Variants in CAST observed in about 807,000 individuals in gnomAD.
CAST encodes the protein MIR583 host.
In CAST, 76 loss-of-function variants were observed where a neutral mutation model predicts 119.6. The observed-to-expected ratio is 0.64, with a 90% confidence interval of 0.53 to 0.77. The LOEUF (loss-of-function observed/expected upper bound fraction) is 0.77, where lower values mean the gene tolerates loss of function less well. Among genes scored for constraint, CAST ranks in the 30% least tolerant of loss-of-function variants. The probability of loss-of-function intolerance (pLI) is 0.00; values close to 1 mark genes in which losing one functional copy is unlikely to be tolerated. For synonymous variants in CAST, 319 were observed against 331.6 expected, an observed-to-expected ratio of 0.96 and a Z score of 0.41; for missense variants, 953 against 946.5, an observed-to-expected ratio of 1.01 and a Z score of -0.09.
At position 96,722,697 on chromosome 5, in the gene CAST, A is replaced by G. The variant is rs1758515904; in HGVS notation, c.269A>G (p.Lys90Arg). The G allele has an allele frequency of 6.2e-7, 1 of 1,608,156 alleles. No individual in the cohort carries two copies. The highest frequency in any genetic ancestry group is 8.5e-7 in the Non-Finnish European group (1 of 1,174,506). The change falls in exon 4 of 32, where the codon AAG (lysine) becomes AGG (arginine). Residue 90 changes from lysine (K) to arginine (R), a missense_variant and splice_region_variant. Physicochemically the swap from Lys to Arg is conservative, Grantham distance 26 (BLOSUM62 2). Transcript: ENST00000675179. ...TCCAGTATGAATCCCACAGAAACCA[A>G]GGTATGAAGAATGCTAATTGAGTGA... is the stretch of plus-strand genomic sequence containing the variant. Reference protein sequence around the residue: ...KSSSMNPTETKAIPVSQQMEG... With the variant: ...KSSSMNPTETRAIPVSQQMEG...
chr5:96,386,970 C>T, the CAST span, among the ~76,000 whole-genome samples: 85 of 152,144 alleles, frequency 5.6e-4, no homozygotes, highest in South Asian at 3.3e-3. Context: ...ATCTCAAAAA[C>T]AAAAACAAAA....
chr5:96,181,150 A>G, the CAST span, among the ~76,000 whole-genome samples: 4 of 152,222 alleles, frequency 2.6e-5, no homozygotes, highest in Non-Finnish European at 5.9e-5. Flanking sequence ...CATTTATAAA[A>G]TGAGCACGTT....
chr5:96,504,851 C>T, the CAST span, among the ~76,000 whole-genome samples: 3 of 152,122 alleles, frequency 2.0e-5, no homozygotes, highest in African/African-American at 7.2e-5. Flanking sequence ...CTAGAAATTT[C>T]GTATAAATGG....
At chr5:96,035,071 A>ATATATATATATATTTAAG in the CAST span, among the ~76,000 whole-genome samples, 1 of 16,502 alleles carries the variant, frequency 6.1e-5, no homozygotes, top group Non-Finnish European at 1.4e-4. Flanking sequence ...ATATTTAAGT[A>ATATATATATATATTTAAG]TATATATATA....
chr5:96,698,550 G>A (rs1753556845), intron 3 of CAST, among the ~76,000 whole-genome samples: 1 of 152,060 alleles, frequency 6.6e-6, no homozygotes, highest in Non-Finnish European at 1.5e-5. Context: ...CTTTTATAAG[G>A]TGTTGAACAA....
the CAST span, among the ~76,000 whole-genome samples, chr5:96,048,559 G>T: frequency 6.6e-6 from 1 of 152,098 alleles, no homozygotes; most frequent in South Asian, 2.1e-4. Context: ...CTAATTTTGG[G>T]GTGGTGAGGG....
chr5:96,224,258 T>C, the CAST span, among the ~76,000 whole-genome samples: 1 of 152,182 alleles, frequency 6.6e-6, no homozygotes, highest in Non-Finnish European at 1.5e-5. Flanking sequence ...GACATTTAGA[T>C]AGTGTTGTCA....
the CAST span, among the ~76,000 whole-genome samples, chr5:96,329,249 G>T: frequency 6.6e-6 from 1 of 152,230 alleles, no homozygotes; most frequent in Non-Finnish European, 1.5e-5. Context: ...TAAGAAAACA[G>T]TGTGATAACG....
the CAST span, among the ~76,000 whole-genome samples, chr5:96,289,032 T>C: frequency 6.6e-6 from 1 of 152,130 alleles, no homozygotes; most frequent in South Asian, 2.1e-4. Flanking sequence ...AATTTTTTAT[T>C]TGAAGTGTCA....
intron 25 of CAST, chr5:96,762,776 T>C: frequency 4.0e-6 from 1 of 248,254 alleles, no homozygotes; most frequent in Non-Finnish European, 7.8e-6. Flanking sequence ...CAAGTTTATT[T>C]TATGGAATCG....
chr5:96,722,132 C>T (rs1239746266), intron 3 of CAST, among the ~76,000 whole-genome samples: 1 of 152,108 alleles, frequency 6.6e-6, no homozygotes, highest in Non-Finnish European at 1.5e-5. Flanking sequence ...CAAATACGAC[C>T]CTGCAAATAG....
chr5:96,757,682 C>A, intron 24 of CAST, 28 bp downstream of exon 24: 167 of 1,258,160 alleles, frequency 1.3e-4, no homozygotes, highest in Non-Finnish European at 1.7e-4. Flanking sequence ...GGTTTTATTT[C>A]TTTAGTTTTT....
chr5:96,402,410 T>C, the CAST span, among the ~76,000 whole-genome samples: 1 of 152,186 alleles, frequency 6.6e-6, no homozygotes, highest in African/African-American at 2.4e-5. Context: ...GTGAGAGCTT[T>C]CCTTCCTAGG....
chr5:96,694,762 T>C (rs1188550075), intron 2 of CAST, among the ~76,000 whole-genome samples: 1 of 152,202 alleles, frequency 6.6e-6, no homozygotes, highest in Non-Finnish European at 1.5e-5. Context: ...TATTTTACTT[T>C]TCCTTTTTCC....
At chr5:96,526,724 GGTTGCTCTGTGCCTTAACACTT>G (rs1476368745), upstream of CAST, among the ~76,000 whole-genome samples, 7 of 152,212 alleles carry the variant, frequency 4.6e-5, no homozygotes, top group African/African-American at 1.7e-4. Flanking sequence ...CTGGACCCCA[GGTTGCTCTGTGCCTTAACACTT>G]GTAAGCCAAA....
the CAST span, among the ~76,000 whole-genome samples, chr5:96,460,601 G>C: frequency 6.6e-6 from 1 of 151,334 alleles, no homozygotes; most frequent in African/African-American, 2.4e-5. Context: ...TAAAGAATCA[G>C]GTTAGAATTA....
the CAST span, among the ~76,000 whole-genome samples, chr5:96,375,438 T>G: frequency 9.5e-4 from 143 of 150,774 alleles, 1 homozygote; most frequent in Admixed American, 1.5e-3. Context: ...GTGTGTGTGT[T>G]TTTTTTACTA....
the CAST span, among the ~76,000 whole-genome samples, chr5:95,966,726 C>T: frequency 2.0e-5 from 3 of 152,148 alleles, no homozygotes; most frequent in African/African-American, 7.2e-5. Context: ...CGTTAGCTTC[C>T]TAAGATGGAG....
At chr5:96,143,533 A>G in the CAST span, among the ~76,000 whole-genome samples, 2 of 152,190 alleles carry the variant, frequency 1.3e-5, no homozygotes, top group Non-Finnish European at 2.9e-5. Flanking sequence ...TCCTAAACTG[A>G]GTGCCTTGAG....
Sources: allele counts gnomAD v4.1 joint callset (sites outside exome capture counted in the v4.1 genomes callset), GRCh38; gene constraint gnomAD v4.1.1; transcripts MANE v1.5; gene names NCBI Gene and HGNC (gene_info 2026-07-23, HGNC 2026-07-21).